The following SLC22A14 variants were observed in gnomAD, a reference collection of about 807,000 sequenced individuals.
SLC22A14 encodes solute carrier family 22 member 14.
A neutral mutation model predicts 53.9 loss-of-function variants in SLC22A14; 50 were observed. The observed-to-expected ratio is 0.93, with a 90% confidence interval of 0.74 to 1.17. The LOEUF (loss-of-function observed/expected upper bound fraction) is 1.17. SLC22A14 is among the 50% of genes most tolerant of loss of function. The pLI is 0.00. For synonymous variants in SLC22A14, 312 were observed against 303.0 expected (o/e 1.03, Z -0.31); for missense variants, 671 against 734.7 (o/e 0.91, Z 1.00).
intron 8 of SLC22A14, among the ~76,000 whole-genome samples, chr3:38,315,126 G>C (rs756351943): frequency 1.2e-4 from 18 of 152,250 alleles, no homozygotes; most frequent in Non-Finnish European, 2.4e-4. Context: ...CAGGCCCCAG[G>C]AACCAAACAC....
intron 1 of SLC22A14, chr3:38,303,626 A>G (rs1197060553): frequency 1.3e-5 from 2 of 152,236 alleles, no homozygotes; most frequent in Admixed American, 6.5e-5. Context: ...CTTCTCCACT[A>G]TAGATTCAAT....
chr3:38,305,962 T>G, intron 1 of SLC22A14, 65 bp from the exon 2 acceptor site: 1 of 1,514,862 alleles, frequency 6.6e-7, no homozygotes, highest in Non-Finnish European at 8.9e-7. Context: ...GTGGCTCCCA[T>G]GCTGGTCTCT....
intron 1 of SLC22A14, among the ~76,000 whole-genome samples, chr3:38,303,422 G>GGTT (rs1704216158): frequency 6.6e-6 from 1 of 151,900 alleles, no homozygotes; most frequent in African/African-American, 2.4e-5. Flanking sequence ...GTTTTGATAT[G>GGTT]TTATGGTTCT....
intron 6 of SLC22A14, 109 bp from the exon 7 acceptor site, chr3:38,313,279 A>G: frequency 7.1e-7 from 1 of 1,405,014 alleles, no homozygotes; most frequent in Non-Finnish European, 1.0e-6. Flanking sequence ...AGGGAAGGCC[A>G]GAAGCCAGCT....
At position 38,307,816 on chromosome 3, in the gene SLC22A14, C is replaced by T. The variant is rs1704353542; in HGVS notation, c.775+96C>T. 7.2e-7 allele frequency: 1 copy of T among 1,387,550 alleles called. No individual in the cohort carries two copies. Among genetic ancestry groups the T allele is most frequent in the Admixed American group, 1.8e-5 (1 of 56,490 alleles). The allele number at this position is 1,387,550 out of a possible 1,614,324, so 86.0% of individuals were successfully genotyped here. On this transcript the variant is annotated intron_variant, in intron 4 of 10. Coordinates refer to ENST00000448498, the MANE Select transcript of SLC22A14 (RefSeq NM_001320033.2). The surrounding 1 kb of genome is among the most constrained non-coding windows in gnomAD (Gnocchi z 4.4). ...GACATAGTGGCAGGGGGCGTGGCGG[C>T]ATAGGCAGATGGCAAGGGGGCGTGG... is the stretch of plus-strand genomic sequence containing the variant.
rs1187104826 is a variant in SLC22A14 at position 38,313,000 on chromosome 3, A to G, written c.946A>G (p.Ile316Val). 6.3e-7 allele frequency: 1 copy of G among 1,578,616 alleles called. No homozygotes were observed. Among genetic ancestry groups the G allele is most frequent in the Non-Finnish European group, 8.6e-7 (1 of 1,162,594 alleles). ...ATAAGAGAGGGGCTGGCCACGCAGGATTCTCCCGGAGTCCCCGCGGTGGCT... is the reference window on the plus strand; with the variant it reads ...ATAAGAGAGGGGCTGGCCACGCAGGGTTCTCCCGGAGTCCCCGCGGTGGCT... ...LVIPFISYIWILPESPRWLMM... is the reference protein window; with the variant it reads ...LVIPFISYIWVLPESPRWLMM... The change falls in exon 6 of 11, where the codon ATT becomes GTT. Residue 316 changes from isoleucine (I) to valine (V), a missense_variant and splice_region_variant. Coordinates refer to ENST00000448498, the MANE Select transcript of SLC22A14 (RefSeq NM_001320033.2).
chr3:38,283,807 G>C (rs1277307936), intron 1 of SLC22A14, among the ~76,000 whole-genome samples: 5 of 152,162 alleles, frequency 3.3e-5, no homozygotes, highest in Non-Finnish European at 7.3e-5. Context: ...TCCAGCCTGG[G>C]TGACAGACCG....
chr3:38,279,821 G>A (rs745412069), upstream of SLC22A14, among the ~76,000 whole-genome samples: 2 of 152,046 alleles, frequency 1.3e-5, no homozygotes, highest in South Asian at 2.1e-4. Flanking sequence ...CAAAGGTTAC[G>A]GCAATGGTGA....
At chr3:38,312,748 G>A (rs534405201) in intron 5 of SLC22A14, among the ~76,000 whole-genome samples, 1 of 152,316 alleles carries the variant, frequency 6.6e-6, no homozygotes, top group East Asian at 1.9e-4. Context: ...CAAGGAGACT[G>A]GAGACAGAGG....
chr3:38,315,935 A>T (rs1377951535), intron 9 of SLC22A14, among the ~76,000 whole-genome samples: 1 of 152,260 alleles, frequency 6.6e-6, no homozygotes, highest in Admixed American at 6.5e-5. Context: ...GATTAAGGGC[A>T]GACAGAGCAA....
In SLC22A14 at chr3:38,300,544, C is replaced by T. The variant is rs1282156547; in HGVS notation, c.1-5483C>T. Among the ~76,000 whole-genome samples, 4 of 152,282 alleles carry T rather than the reference C, an allele frequency of 2.6e-5. No homozygotes were observed. The South Asian group carries it at 6.2e-4, about 24-fold the overall frequency. ...CACATTGGGTGGAGTCTAGAGGATA[C>T]TGGGTACCATCTTTCCATCTTCTCC... is the stretch of plus-strand genomic sequence containing the variant. On this transcript the variant is annotated intron_variant, in intron 1 of 10. Coordinates refer to ENST00000448498, the MANE Select transcript of SLC22A14 (RefSeq NM_001320033.2).
chr3:38,317,703 T>C lies in SLC22A14; in HGVS notation c.1734-495T>C, dbSNP rs78822404. 4.1e-3 allele frequency among the ~76,000 whole-genome samples: 618 copies of C among 152,294 alleles called. 37 individuals are homozygous for C. The East Asian group carries it at 0.1, about 26-fold the overall frequency. ...TGGAATGAGAACAGAGTAATAACAA[T>C]AGCTAAGATGAATTGAGCATTTGTT... On this transcript the variant is annotated intron_variant, in intron 10 of 10. Transcript: ENST00000448498.
rs768352463 is a variant in SLC22A14, at chr3:38,313,699, C to A, written c.1164-28C>A. The A allele has an allele frequency of 5.1e-6, 6 of 1,182,762 alleles. No individual in the cohort carries two copies. In the South Asian group the frequency reaches 6.1e-5, roughly 12 times the overall value. The allele number at this position is 1,182,762 out of a possible 1,614,324, so 73.3% of individuals were successfully genotyped here. A position where few individuals can be genotyped will look rare whatever the true frequency, so the allele number is the denominator to read the frequency against. On this transcript the variant is annotated intron_variant, in intron 7 of 10. Coordinates refer to ENST00000448498, the MANE Select transcript of SLC22A14 (RefSeq NM_001320033.2). ...CTCCGTGTGTGTGCGCGCGTGTGCA[C>A]GCGCACTTGCCTCCTGGCTTCATCC...
intron 1 of SLC22A14, among the ~76,000 whole-genome samples, chr3:38,298,799 AC>A (rs763079220): frequency 6.6e-6 from 1 of 152,060 alleles, no homozygotes; most frequent in African/African-American, 2.4e-5. Flanking sequence ...CAGGTGATCC[AC>A]CTGCCTTGGC....
At chr3:38,312,875 A>G in intron 5 of SLC22A14, 124 bp from the exon 6 acceptor site, 1 of 1,314,034 alleles carries the variant, frequency 7.6e-7, no homozygotes, top group Non-Finnish European at 1.1e-6. Context: ...GTGGCCTTCA[A>G]GGCCCTGACA....
At chr3:38,293,346 C>T (rs906024724) in intron 1 of SLC22A14, among the ~76,000 whole-genome samples, 4 of 152,156 alleles carry the variant, frequency 2.6e-5, no homozygotes, top group East Asian at 1.9e-4. Context: ...TGCCTGAGGG[C>T]CATGACTAAA....
intron 10 of SLC22A14, 58 bp from the exon 11 acceptor site, chr3:38,318,140 C>T: frequency 6.5e-7 from 1 of 1,539,506 alleles, no homozygotes; most frequent in Admixed American, 1.7e-5. Flanking sequence ...CAAGCCGCTG[C>T]TTTTCTCAGC....
chr3:38,292,540 G>A (rs1703936525), intron 1 of SLC22A14, among the ~76,000 whole-genome samples: 1 of 152,146 alleles, frequency 6.6e-6, no homozygotes, highest in Non-Finnish European at 1.5e-5. Flanking sequence ...AGGGGCTACT[G>A]CATGGTTTTA....
At chr3:38,302,381 T>C (rs1219896993) in intron 1 of SLC22A14, among the ~76,000 whole-genome samples, 2 of 150,684 alleles carry the variant, frequency 1.3e-5, no homozygotes, top group African/African-American at 2.4e-5. Context: ...GCATTTCTGG[T>C]TAAAACTGTT....
Sources: gnomAD v4.1 joint callset for allele counts (sites outside exome capture counted in the v4.1 genomes callset) on GRCh38, gnomAD v4.1.1 for gene constraint, Gnocchi (gnomAD v3.1) non-coding constraint, MANE v1.5 for transcripts, NCBI Gene and HGNC (gene_info 2026-07-23, HGNC 2026-07-21) for gene names.